The following VWC2L variants were observed in gnomAD, a reference collection of about 807,000 sequenced individuals.
VWC2L encodes von Willebrand factor C domain containing 2 like.
VWC2L carries 10 observed loss-of-function variants against 21.6 expected under a neutral mutation model. That is an observed-to-expected ratio of 0.46 (90% CI 0.29 to 0.78). The LOEUF is 0.78. Ranked by LOEUF, VWC2L falls within the 30% of genes least tolerant of loss-of-function variation. The probability of loss-of-function intolerance (pLI) is 0.10; values close to 1 mark genes in which losing one functional copy is unlikely to be tolerated. For missense variants in VWC2L, 209 were observed against 277.1 expected, an observed-to-expected ratio of 0.75 and a Z score of 1.74; for synonymous variants, 96 against 94.3, an observed-to-expected ratio of 1.02 and a Z score of -0.10.
At chr2:214,491,333 G>A (rs1688743020) in intron 3 of VWC2L, among the ~76,000 whole-genome samples, 2 of 152,180 alleles carry the variant, frequency 1.3e-5, no homozygotes, top group Admixed American at 1.3e-4. Flanking sequence ...AAGGGGTAAT[G>A]TTTGGTTCAT....
chr2:214,476,836 T>C (rs1344636226), intron 3 of VWC2L, among the ~76,000 whole-genome samples: 1 of 152,198 alleles, frequency 6.6e-6, no homozygotes, highest in Non-Finnish European at 1.5e-5. Context: ...ATCTACTTAT[T>C]AATACTGTGG....
intron 2 of VWC2L, among the ~76,000 whole-genome samples, chr2:214,432,282 T>C (rs995532131): frequency 6.6e-6 from 1 of 152,180 alleles, no homozygotes; most frequent in Non-Finnish European, 1.5e-5. Flanking sequence ...CAGTATATTA[T>C]AAGGAGATTA....
At chr2:214,543,804 A>G (rs569361437) in intron 3 of VWC2L, among the ~76,000 whole-genome samples, 7 of 152,320 alleles carry the variant, frequency 4.6e-5, no homozygotes, top group Non-Finnish European at 1.0e-4. Flanking sequence ...AGTGGCTCCT[A>G]CAGGGCATAT....
chr2:214,434,362 T>A (rs888105875), intron 2 of VWC2L, among the ~76,000 whole-genome samples: 1 of 152,162 alleles, frequency 6.6e-6, no homozygotes, highest in African/African-American at 2.4e-5. Context: ...GCAACCTAAC[T>A]TTGGCAACTA....
At chr2:214,539,890 A>T (rs1206508393) in intron 3 of VWC2L, among the ~76,000 whole-genome samples, 1 of 152,142 alleles carries the variant, frequency 6.6e-6, no homozygotes, top group Non-Finnish European at 1.5e-5. Context: ...TTTAATCTTG[A>T]ATATATTTTT....
At chr2:214,545,210 G>A (rs1002903986) in intron 3 of VWC2L, among the ~76,000 whole-genome samples, 5 of 152,118 alleles carry the variant, frequency 3.3e-5, no homozygotes, top group Admixed American at 1.3e-4. Flanking sequence ...TGCAAATAGA[G>A]AAATATTTAA....
chr2:214,414,751 A>G, intron 2 of VWC2L, 168 bp downstream of exon 2: 3 of 724,808 alleles, frequency 4.1e-6, no homozygotes, highest in East Asian at 2.8e-5. Flanking sequence ...CAAATGGCCA[A>G]CTGGTTTGTT....
chr2:214,575,034 T>TA (rs3046806), intron 3 of VWC2L, among the ~76,000 whole-genome samples: 5,387 of 118,268 alleles, frequency 0.046, 175 homozygotes, highest in African/African-American at 0.1. Context: ...GGTCATTCTT[T>TA]AAAAAAAAAA....
chr2:214,460,742 ATTC>A (rs1703128434), intron 3 of VWC2L, among the ~76,000 whole-genome samples: 1 of 152,090 alleles, frequency 6.6e-6, no homozygotes, highest in Admixed American at 6.6e-5. Flanking sequence ...ATTATTTTAA[ATTC>A]TTTTTCAAGC....
chr2:214,512,079 A>T (rs930950502), intron 3 of VWC2L, among the ~76,000 whole-genome samples: 2 of 152,008 alleles, frequency 1.3e-5, no homozygotes, highest in Non-Finnish European at 2.9e-5. Context: ...TCACTTGATC[A>T]TATTTGATTA....
At chr2:214,425,350 G>A (rs542573359) in intron 2 of VWC2L, among the ~76,000 whole-genome samples, 81 of 152,118 alleles carry the variant, frequency 5.3e-4, no homozygotes, top group Admixed American at 2.7e-3. Flanking sequence ...CAAAAAGCCT[G>A]TAGATTTGCC....
intron 3 of VWC2L, among the ~76,000 whole-genome samples, chr2:214,488,696 A>G (rs944856142): frequency 6.6e-6 from 1 of 152,190 alleles, no homozygotes; most frequent in Middle Eastern, 3.2e-3. Flanking sequence ...TAGAAAGAAA[A>G]AAGGTTTAAT....
chr2:214,568,103 C>T (rs576059925), intron 3 of VWC2L, among the ~76,000 whole-genome samples: 32 of 152,312 alleles, frequency 2.1e-4, no homozygotes, highest in African/African-American at 7.7e-4. Context: ...TAGTTCTCTG[C>T]CCTTTAACAA....
At chr2:214,506,467 C>T (rs1487587539) in intron 3 of VWC2L, among the ~76,000 whole-genome samples, 1 of 151,944 alleles carries the variant, frequency 6.6e-6, no homozygotes, top group African/African-American at 2.4e-5. Context: ...ATCTTAATTC[C>T]CAGTGTTTGA....
intron 3 of VWC2L, among the ~76,000 whole-genome samples, chr2:214,526,090 T>G (rs1488512810): frequency 6.7e-6 from 1 of 150,120 alleles, no homozygotes; most frequent in South Asian, 2.1e-4. Context: ...TATTAATATA[T>G]TTTTATATAT....
At chr2:214,522,410 C>G (rs1348431878) in intron 3 of VWC2L, among the ~76,000 whole-genome samples, 1 of 148,808 alleles carries the variant, frequency 6.7e-6, no homozygotes, top group African/African-American at 2.5e-5. Context: ...CATTTTTTTC[C>G]TCTTTGCTGA....
At chr2:214,533,095 C>T (rs554113472) in intron 3 of VWC2L, among the ~76,000 whole-genome samples, 1 of 152,054 alleles carries the variant, frequency 6.6e-6, no homozygotes, top group Non-Finnish European at 1.5e-5. Flanking sequence ...ATTCTGCCTA[C>T]ATCACCATAT....
chr2:214,558,540 C>G (rs1396820717), intron 3 of VWC2L, among the ~76,000 whole-genome samples: 1 of 152,212 alleles, frequency 6.6e-6, no homozygotes, highest in Non-Finnish European at 1.5e-5. Flanking sequence ...CACATTCAGT[C>G]TACCACCAAC....
At chr2:214,460,190 C>G (rs1206180988) in intron 3 of VWC2L, among the ~76,000 whole-genome samples, 2 of 152,102 alleles carry the variant, frequency 1.3e-5, no homozygotes, top group African/African-American at 4.8e-5. Context: ...CGTGAGCCAC[C>G]ATGCCTGGCC....
Sources: gnomAD v4.1 joint callset for allele counts (sites outside exome capture counted in the v4.1 genomes callset) on GRCh38, gnomAD v4.1.1 for gene constraint, MANE v1.5 for transcripts, NCBI Gene and HGNC (gene_info 2026-07-23, HGNC 2026-07-21) for gene names.